AP1AR: variants seen among roughly 807,000 people sequenced by gnomAD.
AP1AR encodes AP-1 complex-associated regulatory protein.
AP1AR carries 29 observed loss-of-function variants against 46.3 expected under a neutral mutation model. The ratio of observed to expected loss-of-function variants is 0.63; its 90% CI spans 0.47 to 0.85. The LOEUF is 0.85. Ranked by LOEUF, AP1AR falls within the 40% of genes least tolerant of loss-of-function variation. The pLI is 0.00. For synonymous variants in AP1AR, 122 were observed against 122.9 expected (o/e 0.99, Z 0.05); for missense variants, 357 against 356.3 (o/e 1.00, Z -0.02).
intron 1 of AP1AR, among the ~76,000 whole-genome samples, chr4:112,239,668 C>T (rs980231177): frequency 1.3e-5 from 2 of 152,208 alleles, no homozygotes; most frequent in South Asian, 2.1e-4. Context: ...TCCAGGCTGT[C>T]GTCATTTGTT....
intron 3 of AP1AR, among the ~76,000 whole-genome samples, chr4:112,257,248 C>T (rs764570244): frequency 6.6e-6 from 1 of 152,130 alleles, no homozygotes; most frequent in Non-Finnish European, 1.5e-5. Flanking sequence ...GTGTCTGTCG[C>T]CCTGTTCTAC....
chr4:112,265,138 C>A, intron 7 of AP1AR, 71 bp downstream of exon 7: 2 of 1,212,714 alleles, frequency 1.6e-6, no homozygotes, highest in Non-Finnish European at 2.3e-6. Flanking sequence ...GCATCATTCA[C>A]CTCAAGATGT....
At chr4:112,257,106 A>G (rs775744620) in intron 3 of AP1AR, among the ~76,000 whole-genome samples, 1 of 152,206 alleles carries the variant, frequency 6.6e-6, no homozygotes, top group Non-Finnish European at 1.5e-5. Flanking sequence ...CTTTAGGAAC[A>G]CTGGAATACT....
Position 112,269,559 on chromosome 4 carries a change from T to C in AP1AR, c.*1150T>C, listed in dbSNP as rs966474266. ...AGTAAGCAAACTGTTTTTTGGTTTT[T>C]CCTTAATGTTTTTAATTTTTTTTCC... On this transcript the variant is annotated 3_prime_UTR_variant, in exon 10 of 10. Coordinates refer to ENST00000274000, the MANE Select transcript of AP1AR (RefSeq NM_018569.6). 6.6e-6 allele frequency: 1 copy of C among 152,490 alleles called. No individual in the cohort carries two copies. The highest frequency in any genetic ancestry group is 2.4e-5 in the African/African-American group (1 of 41,440). The allele number at this position is 152,490 out of a possible 1,614,324, so 9.4% of individuals were successfully genotyped here.
At chr4:112,259,206 A>G (rs1280917293) in intron 4 of AP1AR, among the ~76,000 whole-genome samples, 1 of 152,206 alleles carries the variant, frequency 6.6e-6, no homozygotes, top group African/African-American at 2.4e-5. Flanking sequence ...CATAGAAGCC[A>G]TTGATTACCT....
chr4:112,270,076 G>T lies in AP1AR; in HGVS notation c.*1667G>T, dbSNP rs961347620. On this transcript the variant is annotated 3_prime_UTR_variant, in exon 10 of 10. Coordinates refer to ENST00000274000, the MANE Select transcript of AP1AR (RefSeq NM_018569.6). ...GGTAATAAGTTATTTGACTATTATT[G>T]GTTTTACTCCATAAACATGCAGGTA... The T allele has an allele frequency of 6.6e-6, 1 of 152,346 alleles. No individual in the cohort carries two copies. The highest frequency in any genetic ancestry group is 1.5e-5 in the Non-Finnish European group (1 of 67,946). The allele number at this position is 152,346 out of a possible 1,614,324, so 9.4% of individuals were successfully genotyped here.
intron 1 of AP1AR, among the ~76,000 whole-genome samples, chr4:112,245,189 T>C (rs1472052441): frequency 6.6e-6 from 1 of 152,200 alleles, no homozygotes. Flanking sequence ...AATCTTTTTA[T>C]GAATAATAGT....
chr4:112,242,591 A>G lies in AP1AR; in HGVS notation c.83+10417A>G, dbSNP rs1299928683. Among the ~76,000 whole-genome samples, 3 of 152,192 alleles carry G rather than the reference A, an allele frequency of 2.0e-5. No homozygotes were observed. In the East Asian group the frequency reaches 5.8e-4, roughly 29 times the overall value. On this transcript the variant is annotated intron_variant, in intron 1 of 9. Coordinates refer to ENST00000274000, the MANE Select transcript of AP1AR (RefSeq NM_018569.6). ...CCACTGTGTGCAGAAATCACACGGC[A>G]AAAGAGGAAGCAAGGAGGGAGTGCC... is the stretch of plus-strand genomic sequence containing the variant.
intron 1 of AP1AR, among the ~76,000 whole-genome samples, chr4:112,247,691 C>A (rs1426231961): frequency 6.6e-6 from 1 of 152,214 alleles, no homozygotes; most frequent in African/African-American, 2.4e-5. Context: ...ATCATTTCTT[C>A]GCTCTACTAT....
intron 1 of AP1AR, among the ~76,000 whole-genome samples, chr4:112,249,731 A>T (rs1326948656): frequency 6.6e-6 from 1 of 152,158 alleles, no homozygotes; most frequent in Non-Finnish European, 1.5e-5. Context: ...TATATATTGC[A>T]TAGTGAGATA....
intron 1 of AP1AR, among the ~76,000 whole-genome samples, chr4:112,238,298 C>T (rs1450013466): frequency 6.6e-6 from 1 of 152,208 alleles, no homozygotes; most frequent in African/African-American, 2.4e-5. Flanking sequence ...TCCTATCCTT[C>T]ATTTTTTTAA....
rs1726999468 is a variant in AP1AR, at chr4:112,272,588, A to G, written c.*4179A>G. Among the ~76,000 whole-genome samples the G allele has an allele frequency of 6.6e-6, 1 of 152,172 alleles. No homozygotes were observed. Among genetic ancestry groups the G allele is most frequent in the African/African-American group, 2.4e-5 (1 of 41,424 alleles). ...GAAGAGATGGGGAAAAAAATAGGAA[A>G]TAATAAATCTCTAAGAGCCCTAAGA... On this transcript the variant is annotated 3_prime_UTR_variant, in exon 10 of 10. Coordinates refer to ENST00000274000, the MANE Select transcript of AP1AR (RefSeq NM_018569.6).
At chr4:112,265,454 C>T in intron 7 of AP1AR, 1 of 383,586 alleles carries the variant, frequency 2.6e-6, no homozygotes, top group Non-Finnish European at 4.6e-6. Context: ...AGTATCACTA[C>T]TCATTCAAAG....
intron 1 of AP1AR, among the ~76,000 whole-genome samples, chr4:112,249,694 G>A (rs925653693): frequency 1.3e-5 from 2 of 151,902 alleles, no homozygotes; most frequent in Admixed American, 6.6e-5. Context: ...ATAGATTTAG[G>A]GGGTACAGCT....
At chr4:112,255,175 G>A (rs1403366866) in intron 3 of AP1AR, among the ~76,000 whole-genome samples, 4 of 151,936 alleles carry the variant, frequency 2.6e-5, no homozygotes, top group Admixed American at 2.6e-4. Context: ...TAGCCAGGAT[G>A]GTCTCGATCT....
chr4:112,260,959 A>G (rs1396599777), intron 5 of AP1AR, 97 bp downstream of exon 5: 3 of 643,178 alleles, frequency 4.7e-6, no homozygotes, highest in Non-Finnish European at 7.4e-6. Context: ...CTATATTTAG[A>G]TATATACAGA....
At chr4:112,261,455 A>C (rs1024246279) in intron 5 of AP1AR, among the ~76,000 whole-genome samples, 1 of 152,056 alleles carries the variant, frequency 6.6e-6, no homozygotes, top group African/African-American at 2.4e-5. Flanking sequence ...CAACAAAAGC[A>C]AATTTTTAAA....
In AP1AR at chr4:112,249,951, A is replaced by T. The variant is rs115891030; in HGVS notation, c.84-3257A>T. Among the ~76,000 whole-genome samples the T allele has an allele frequency of 2.4e-3, 358 of 152,312 alleles. 2 individuals carry two copies. Among genetic ancestry groups the T allele is most frequent in the African/African-American group, 8.3e-3 (344 of 41,578 alleles). On this transcript the variant is annotated intron_variant, in intron 1 of 9. Coordinates refer to ENST00000274000, the MANE Select transcript of AP1AR (RefSeq NM_018569.6). ...TATGTGTTTATTATCATTCATTCAC[A>T]AATTGTTAGCTCCAAGGTGGCAGGA...
chr4:112,232,052 GGGAGGA>G lies in AP1AR; in HGVS notation c.-29_-24del. The G allele has an allele frequency of 7.4e-7, 1 of 1,346,596 alleles. No homozygotes were observed. The highest frequency in any genetic ancestry group is 9.6e-7 in the Non-Finnish European group (1 of 1,039,928). The allele number at this position is 1,346,596 out of a possible 1,614,324, so 83.4% of individuals were successfully genotyped here. On this transcript the variant is annotated 5_prime_UTR_variant, in exon 1 of 10. Transcript: ENST00000274000. ...CCGGGCCTGGGTTTGGGCATTGAGC[GGGAGGA>G]GGAGGAGGAGCGGCGGCGCCTGGGC...
Sources: gnomAD v4.1 joint callset for allele counts (sites outside exome capture counted in the v4.1 genomes callset) on GRCh38, gnomAD v4.1.1 for gene constraint, MANE v1.5 for transcripts, NCBI Gene and HGNC (gene_info 2026-07-23, HGNC 2026-07-21) for gene names.